Variants in ZNF831 observed in about 807,000 individuals in gnomAD.
ZNF831 encodes the protein zinc finger protein 831.
ZNF831 carries 59 observed loss-of-function variants against 95.8 expected under a neutral mutation model. The ratio of observed to expected loss-of-function variants is 0.62; its 90% confidence interval spans 0.50 to 0.77. The LOEUF (loss-of-function observed/expected upper bound fraction) is 0.77. Among genes scored for constraint, ZNF831 ranks in the 30% least tolerant of loss-of-function variants. The probability of loss-of-function intolerance (pLI) is 0.00; values close to 1 mark genes in which losing one functional copy is unlikely to be tolerated. For missense variants in ZNF831, 2,205 were observed against 2,164.0 expected, an observed-to-expected ratio of 1.02 and a Z score of -0.38; for synonymous variants, 961 against 925.5, an observed-to-expected ratio of 1.04 and a Z score of -0.70.
At chr20:59,152,832 T>C (rs1178113645) in intron 2 of ZNF831, among the ~76,000 whole-genome samples, 1 of 152,026 alleles carries the variant, frequency 6.6e-6, no homozygotes, top group Non-Finnish European at 1.5e-5. Flanking sequence ...GAAGTGGGGC[T>C]TGGGAAGTGG....
intron 1 of ZNF831, among the ~76,000 whole-genome samples, chr20:59,128,371 C>A (rs1979244888): frequency 6.6e-6 from 1 of 152,204 alleles, no homozygotes; most frequent in Admixed American, 6.5e-5. Context: ...CCTGCTGTCC[C>A]TCCCCAGTCA....
chr20:59,135,013 C>T (rs1435320635), intron 1 of ZNF831, among the ~76,000 whole-genome samples: 3 of 152,022 alleles, frequency 2.0e-5, no homozygotes, highest in African/African-American at 4.8e-5. Context: ...ATTACTGGTT[C>T]CTCTACACCA....
At chr20:59,205,421 C>T (rs898857350) in intron 3 of ZNF831, among the ~76,000 whole-genome samples, 5 of 152,172 alleles carry the variant, frequency 3.3e-5, no homozygotes, top group South Asian at 2.1e-4. Flanking sequence ...TCCCCCCAGC[C>T]GGGGAATGAC....
chr20:59,178,592 T>C (rs955459061), intron 1 of ZNF831, among the ~76,000 whole-genome samples: 1 of 152,196 alleles, frequency 6.6e-6, no homozygotes, highest in Non-Finnish European at 1.5e-5. Context: ...AGAAAGAGTC[T>C]CATGCCTTGA....
At chr20:59,129,899 TG>T (rs1185214330) in intron 1 of ZNF831, among the ~76,000 whole-genome samples, 5 of 152,234 alleles carry the variant, frequency 3.3e-5, no homozygotes, top group Admixed American at 1.3e-4. Flanking sequence ...TAGAACTCCA[TG>T]GGGGGCTTAC....
intron 3 of ZNF831, among the ~76,000 whole-genome samples, chr20:59,198,812 T>G (rs919155797): frequency 1.3e-5 from 2 of 152,214 alleles, no homozygotes; most frequent in African/African-American, 4.8e-5. Context: ...TCTTTTGAGT[T>G]AATTCCAGCT....
At chr20:59,196,263 C>G (rs1165585233) in intron 3 of ZNF831, among the ~76,000 whole-genome samples, 3 of 152,186 alleles carry the variant, frequency 2.0e-5, no homozygotes, top group Non-Finnish European at 2.9e-5. Context: ...CAACTTAAGT[C>G]TGGAAGAGAG....
At chr20:59,216,118 A>G (rs1413207800) in intron 4 of ZNF831, among the ~76,000 whole-genome samples, 1 of 152,204 alleles carries the variant, frequency 6.6e-6, no homozygotes, top group East Asian at 1.9e-4. Context: ...ATCACCTAAA[A>G]TAACCACCAA....
intron 1 of ZNF831, among the ~76,000 whole-genome samples, chr20:59,143,962 AT>A (rs2146446568): frequency 6.6e-6 from 1 of 152,342 alleles, no homozygotes; most frequent in African/African-American, 2.4e-5. Flanking sequence ...ATTACCAGTG[AT>A]TATCCGCTGA....
At chr20:59,131,789 T>C (rs932321930) in intron 1 of ZNF831, among the ~76,000 whole-genome samples, 1 of 152,214 alleles carries the variant, frequency 6.6e-6, no homozygotes, top group Non-Finnish European at 1.5e-5. Context: ...AGCCCTTGTC[T>C]CCAGGGCGTG....
intron 4 of ZNF831, among the ~76,000 whole-genome samples, chr20:59,237,646 C>T (rs779455809): frequency 3.3e-5 from 5 of 152,162 alleles, no homozygotes; most frequent in African/African-American, 1.2e-4. Flanking sequence ...TGCTGAGTTT[C>T]GGGAGCTCAT....
chr20:59,168,596 T>G (rs578213763), intron 1 of ZNF831, among the ~76,000 whole-genome samples: 1 of 152,248 alleles, frequency 6.6e-6, no homozygotes, highest in East Asian at 1.9e-4. Context: ...CTTTCTTGCT[T>G]TATTTTACTG....
chr20:59,238,881 A>G (rs1338256926), intron 4 of ZNF831, among the ~76,000 whole-genome samples: 2 of 152,304 alleles, frequency 1.3e-5, no homozygotes, highest in Non-Finnish European at 1.5e-5. Flanking sequence ...CACGAAGCAT[A>G]CTTGACAGTC....
intron 4 of ZNF831, among the ~76,000 whole-genome samples, chr20:59,233,885 GC>G (rs1986866068): frequency 6.6e-6 from 1 of 152,152 alleles, no homozygotes; most frequent in African/African-American, 2.4e-5. Flanking sequence ...GGTGGGTCAC[GC>G]ATGCATGTGC....
At chr20:59,186,122 TC>T (rs936462792) in intron 1 of ZNF831, among the ~76,000 whole-genome samples, 1 of 152,234 alleles carries the variant, frequency 6.6e-6, no homozygotes, top group Non-Finnish European at 1.5e-5. Flanking sequence ...CTACATGATC[TC>T]CTGGTGTCCC....
chr20:59,247,183 AG>A (rs1331270672), intron 4 of ZNF831, among the ~76,000 whole-genome samples: 3 of 152,244 alleles, frequency 2.0e-5, no homozygotes, highest in Non-Finnish European at 4.4e-5. Context: ...AAAGCCATCC[AG>A]GACAGGGGTG....
At chr20:59,178,790 G>A (rs1467070857) in intron 1 of ZNF831, among the ~76,000 whole-genome samples, 1 of 152,184 alleles carries the variant, frequency 6.6e-6, no homozygotes, top group African/African-American at 2.4e-5. Context: ...ATCACATGAT[G>A]CCATGGGGGA....
chr20:59,159,165 G>T (rs551257187), upstream of ZNF831, among the ~76,000 whole-genome samples: 116 of 152,180 alleles, frequency 7.6e-4, 1 homozygote, highest in South Asian at 1.7e-3. Flanking sequence ...ATGACTTGTG[G>T]TACAGCCCTT....
intron 2 of ZNF831, 197 bp from the exon 3 acceptor site, chr20:59,195,672 G>A (rs1013080809): frequency 5.5e-6 from 4 of 720,850 alleles, no homozygotes; most frequent in Non-Finnish European, 6.8e-6. Context: ...CCCAGGCGGG[G>A]TTTCAGGAGG....
Sources: allele counts gnomAD v4.1 joint callset (sites outside exome capture counted in the v4.1 genomes callset), GRCh38; gene constraint gnomAD v4.1.1; transcripts MANE v1.5; gene names NCBI Gene and HGNC (gene_info 2026-07-23, HGNC 2026-07-21).